RCSD1: variants seen among roughly 807,000 people sequenced by gnomAD.
RCSD1 encodes the protein capZ-interacting protein.
Under a neutral mutation model 42.5 loss-of-function variants are expected in RCSD1, and 26 were observed. The ratio of observed to expected loss-of-function variants is 0.61; its 90% CI spans 0.45 to 0.85. The LOEUF (loss-of-function observed/expected upper bound fraction) is 0.85. Ranked by LOEUF, RCSD1 falls within the 40% of genes least tolerant of loss-of-function variation. The probability of loss-of-function intolerance (pLI) is 0.00; values close to 1 mark genes in which losing one functional copy is unlikely to be tolerated. For synonymous variants in RCSD1, 220 were observed against 212.2 expected (o/e 1.04, Z -0.32); for missense variants, 571 against 528.3 (o/e 1.08, Z -0.79).
intron 1 of RCSD1, among the ~76,000 whole-genome samples, chr1:167,645,753 G>T (rs1237995239): frequency 6.6e-6 from 1 of 152,208 alleles, no homozygotes; most frequent in Non-Finnish European, 1.5e-5. Context: ...ACATGTGTGG[G>T]TGTGGGTGCA....
chr1:167,701,252 G>GTTTCTTTCTTTCTTTCTTTC lies in RCSD1; in HGVS notation c.1219-3364_1219-3345dup, dbSNP rs11446259. Reference sequence around the variant, plus strand: ...TGACGCCACTTAACCCAATTGCCTAGTTTCTTTCTTTCTTTCTTTCTTTCT... The same window carrying GTTTCTTTCTTTCTTTCTTTC: ...TGACGCCACTTAACCCAATTGCCTAGTTTCTTTCTTTCTTTCTTTCTTTCTTTCTTTCTTTCTTTCTTTCT... On this transcript the variant is annotated intron_variant, in intron 6 of 6. Coordinates refer to ENST00000367854, the MANE Select transcript of RCSD1 (RefSeq NM_052862.4). 1.6e-3 allele frequency among the ~76,000 whole-genome samples: 157 copies of GTTTCTTTCTTTCTTTCTTTC among 96,126 alleles called. 3 individuals carry two copies. The highest frequency in any genetic ancestry group is 9.4e-3 in the East Asian group (28 of 2,978). The allele number at this position is 96,126 out of a possible 152,430, so 63.1% of individuals were successfully genotyped here. A position where few individuals can be genotyped will look rare whatever the true frequency, so the allele number is the denominator to read the frequency against.
intron 1 of RCSD1, among the ~76,000 whole-genome samples, chr1:167,680,060 T>A (rs115972279): frequency 0.024 from 3,595 of 152,140 alleles, 150 homozygotes; most frequent in African/African-American, 0.083. Context: ...CAGGCATGGT[T>A]TCCGAGTTAC....
At chr1:167,638,672 C>T (rs1289422295) in intron 1 of RCSD1, among the ~76,000 whole-genome samples, 3 of 152,198 alleles carry the variant, frequency 2.0e-5, no homozygotes, top group African/African-American at 4.8e-5. Context: ...AGGTTTACTC[C>T]GAGCCCTCCT....
intron 1 of RCSD1, among the ~76,000 whole-genome samples, chr1:167,675,668 T>A (rs560606155): frequency 4.6e-5 from 7 of 152,232 alleles, no homozygotes; most frequent in East Asian, 3.9e-4. Context: ...CTAAAAGCCA[T>A]AAAACGAAAC....
chr1:167,666,266 C>G (rs757985352), intron 1 of RCSD1, among the ~76,000 whole-genome samples: 9 of 152,178 alleles, frequency 5.9e-5, no homozygotes, highest in Non-Finnish European at 1.0e-4. Context: ...AATTCAGTTA[C>G]TTGGGCTCCT....
chr1:167,697,054 T>A, intron 5 of RCSD1, 45 bp from the exon 6 acceptor site: 1 of 1,568,176 alleles, frequency 6.4e-7, no homozygotes, highest in South Asian at 1.2e-5. Context: ...CTCTTGGCCT[T>A]TTTTTATGAG....
At chr1:167,634,146 C>T (rs1040381345) in intron 1 of RCSD1, among the ~76,000 whole-genome samples, 3 of 152,210 alleles carry the variant, frequency 2.0e-5, no homozygotes, top group East Asian at 1.9e-4. Context: ...GTAGCTCAAA[C>T]GTCTCCACCT....
intron 1 of RCSD1, among the ~76,000 whole-genome samples, chr1:167,646,080 T>C (rs1319796669): frequency 6.6e-6 from 1 of 152,074 alleles, no homozygotes. Flanking sequence ...TGGTATTTGG[T>C]TGGAGACTGT....
Position 167,683,620 on chromosome 1 carries a change from C to A in RCSD1, c.7-280C>A, listed in dbSNP as rs112402211. The stretch of plus-strand genomic sequence containing the variant: ...TCCTTGAGGAATGAGAAAATTGGAC[C>A]TGTACTGCCTCTGACATCCCAGGGC... On this transcript the variant is annotated intron_variant, in intron 1 of 6. Coordinates refer to ENST00000367854, the MANE Select transcript of RCSD1 (RefSeq NM_052862.4). Among the ~76,000 whole-genome samples the A allele has an allele frequency of 8.7e-4, 133 of 152,300 alleles. 1 individual carries two copies. Among genetic ancestry groups the A allele is most frequent in the African/African-American group, 3.0e-3 (126 of 41,550 alleles).
Position 167,704,926 on chromosome 1 carries a change from T to A in RCSD1, c.*230T>A. On this transcript the variant is annotated 3_prime_UTR_variant, in exon 7 of 7. Coordinates refer to ENST00000367854, the MANE Select transcript of RCSD1 (RefSeq NM_052862.4). ...GCAGACTTTTATCAGCTTGAGTTTA[T>A]GTCATTTGATGGACTTGGTTCAACA... The A allele has an allele frequency of 4.0e-6, 2 of 497,280 alleles. No homozygotes were observed. Among genetic ancestry groups the A allele is most frequent in the Non-Finnish European group, 7.4e-6 (2 of 270,602 alleles). The allele number at this position is 497,280 out of a possible 1,614,324, so 30.8% of individuals were successfully genotyped here. A position where few individuals can be genotyped will look rare whatever the true frequency, so the allele number is the denominator to read the frequency against.
chr1:167,659,638 G>GTCCATTGGACCTC (rs1558078921), intron 1 of RCSD1, among the ~76,000 whole-genome samples: 2 of 152,150 alleles, frequency 1.3e-5, no homozygotes, highest in African/African-American at 2.4e-5. Context: ...CTTGGACCAC[G>GTCCATTGGACCTC]TGTCCATTCC....
At position 167,707,564 on chromosome 1, in the gene RCSD1, C is replaced by T. The variant is rs77118981; in HGVS notation, c.*2868C>T. On this transcript the variant is annotated 3_prime_UTR_variant, in exon 7 of 7. Coordinates refer to ENST00000367854, the MANE Select transcript of RCSD1 (RefSeq NM_052862.4). ...TCTCATGGTATTGGTCTCTGCTTTC[C>T]CTCGTATTGGCCATATTCTTTTTTT... Among the ~76,000 whole-genome samples the T allele has an allele frequency of 1.5e-3, 225 of 152,070 alleles. 4 individuals carry two copies. In the East Asian group the frequency reaches 0.04, roughly 27 times the overall value.
intron 1 of RCSD1, among the ~76,000 whole-genome samples, chr1:167,661,692 G>A (rs896479343): frequency 2.0e-5 from 3 of 152,218 alleles, no homozygotes; most frequent in African/African-American, 7.2e-5. Flanking sequence ...CAGTTCCGCT[G>A]TCGATTAATA....
At chr1:167,639,859 A>T (rs1657962110) in intron 1 of RCSD1, among the ~76,000 whole-genome samples, 1 of 152,178 alleles carries the variant, frequency 6.6e-6, no homozygotes, top group African/African-American at 2.4e-5. Context: ...CAGCTACCCT[A>T]GCTGCAGCGC....
intron 6 of RCSD1, among the ~76,000 whole-genome samples, chr1:167,704,378 C>A (rs1158210707): frequency 6.6e-6 from 1 of 152,148 alleles, no homozygotes; most frequent in African/African-American, 2.4e-5. Flanking sequence ...CTGACTTCAC[C>A]ACTTACTAGC....
chr1:167,683,569 G>A (rs1362829394), intron 1 of RCSD1, among the ~76,000 whole-genome samples: 3 of 152,182 alleles, frequency 2.0e-5, no homozygotes, highest in South Asian at 2.1e-4. Flanking sequence ...GTACACTGTC[G>A]CAGACGTTGC....
chr1:167,688,206 A>G (rs1659284798), intron 3 of RCSD1, among the ~76,000 whole-genome samples: 1 of 152,200 alleles, frequency 6.6e-6, no homozygotes, highest in Non-Finnish European at 1.5e-5. Flanking sequence ...GGTCCCCAGT[A>G]CTATACTGTG....
chr1:167,640,664 C>G (rs1657982994), intron 1 of RCSD1: 1 of 152,322 alleles, frequency 6.6e-6, no homozygotes, highest in African/African-American at 2.4e-5. Flanking sequence ...GATCCTCTCA[C>G]CTCATCCTCC....
At chr1:167,653,893 C>T (rs373373682) in intron 1 of RCSD1, among the ~76,000 whole-genome samples, 5 of 152,088 alleles carry the variant, frequency 3.3e-5, no homozygotes, top group South Asian at 2.1e-4. Flanking sequence ...CAGGAAAATG[C>T]GTAATAGGTT....
Sources: gnomAD v4.1 joint callset for allele counts (sites outside exome capture counted in the v4.1 genomes callset) on GRCh38, gnomAD v4.1.1 for gene constraint, MANE v1.5 for transcripts, NCBI Gene and HGNC (gene_info 2026-07-23, HGNC 2026-07-21) for gene names.